The following TMEM87A variants were observed in gnomAD, a reference collection of about 807,000 sequenced individuals.
TMEM87A encodes the protein transmembrane protein 87A.
Under a neutral mutation model 90.0 loss-of-function variants are expected in TMEM87A, and 50 were observed. The observed-to-expected ratio is 0.56, with a 90% confidence interval of 0.44 to 0.70. The LOEUF (loss-of-function observed/expected upper bound fraction) is 0.70, where lower values mean the gene tolerates loss of function less well. TMEM87A is among the 30% of genes least tolerant of loss of function. TMEM87A has a pLI of 0.00. For missense variants in TMEM87A, 577 were observed against 660.5 expected (o/e 0.87, Z 1.39); for synonymous variants, 226 against 226.7 (o/e 1.00, Z 0.03).
chr15:42,263,747 T>TG (rs904211701), intron 4 of TMEM87A, among the ~76,000 whole-genome samples: 7 of 152,034 alleles, frequency 4.6e-5, no homozygotes, highest in African/African-American at 1.7e-4. Flanking sequence ...GAATCTGCCT[T>TG]GGGGAAAAAA....
intron 3 of TMEM87A, among the ~76,000 whole-genome samples, chr15:42,264,683 GTA>G (rs1555409716): frequency 8.6e-6 from 1 of 116,368 alleles, no homozygotes; most frequent in African/African-American, 3.0e-5. Flanking sequence ...ATATGTGTGT[GTA>G]TATATATATA....
intron 6 of TMEM87A, among the ~76,000 whole-genome samples, chr15:42,256,180 A>T (rs2051180658): frequency 6.6e-6 from 1 of 151,368 alleles, no homozygotes; most frequent in Admixed American, 6.6e-5. Flanking sequence ...TCATTTTGTC[A>T]CCCAGGCTGG....
At chr15:42,240,855 C>T (rs1307836757) in intron 7 of TMEM87A, among the ~76,000 whole-genome samples, 1 of 152,140 alleles carries the variant, frequency 6.6e-6, no homozygotes, top group Non-Finnish European at 1.5e-5. Context: ...CAGAGCAGAA[C>T]TATTATTAAA....
In TMEM87A at chr15:42,237,429, T is replaced by C; in HGVS notation, c.868+3A>G. On this transcript the variant is annotated splice_donor_region_variant and intron_variant, in intron 9 of 19. Transcript: ENST00000389834. ...AACTGGCAAAGATTTTCTGGTTACT[T>C]ACCAGATTCTCCTTTGTATCGGATA... 1 of 1,613,220 alleles carries C rather than the reference T, an allele frequency of 6.2e-7. No homozygotes were observed. The highest frequency in any genetic ancestry group is 8.5e-7 in the Non-Finnish European group (1 of 1,179,490).
At chr15:42,237,911 T>C (rs4923934) in intron 8 of TMEM87A, among the ~76,000 whole-genome samples, 142,702 of 152,172 alleles carry the variant, frequency 0.94, 67,373 homozygotes, top group Non-Finnish European at 1. Flanking sequence ...GAGCTTAACA[T>C]TAACTAATAT....
chr15:42,215,750 G>A (rs937356600), intron 19 of TMEM87A, among the ~76,000 whole-genome samples: 1 of 152,158 alleles, frequency 6.6e-6, no homozygotes. Flanking sequence ...ACAAATGTGG[G>A]CAAAGAAAGA....
At chr15:42,251,114 ACT>A (rs2051076871) in intron 6 of TMEM87A, among the ~76,000 whole-genome samples, 1 of 151,922 alleles carries the variant, frequency 6.6e-6, no homozygotes, top group African/African-American at 2.4e-5. Flanking sequence ...TCTTCTCTAC[ACT>A]GTTTATTCTA....
rs575504055 is a variant in TMEM87A at position 42,238,898 on chromosome 15, A to G, written c.684+772T>C. Among the ~76,000 whole-genome samples the G allele has an allele frequency of 2.6e-5, 4 of 152,182 alleles. No individual in the cohort carries two copies. In the East Asian group the frequency reaches 7.7e-4, roughly 29 times the overall value. On this transcript the variant is annotated intron_variant, in intron 8 of 19. Coordinates refer to ENST00000389834, the MANE Select transcript of TMEM87A (RefSeq NM_015497.5). ...CACAACAAAACGGGAAAACTATTAA[A>G]GGGAAAGGAAGAAGAGAATAATCAT...
Position 42,241,274 on chromosome 15 carries a change from G to A in TMEM87A, c.623-1543C>T, listed in dbSNP as rs535788992. On this transcript the variant is annotated intron_variant, in intron 7 of 19. Coordinates refer to ENST00000389834, the MANE Select transcript of TMEM87A (RefSeq NM_015497.5). ...GTAACCACCTTGCAGGGGAGAGGGA[G>A]TTGACAAGCTACATAGAGAACTATC... Among the ~76,000 whole-genome samples, 3 of 152,306 alleles carry A rather than the reference G, an allele frequency of 2.0e-5. No individual in the cohort carries two copies. In the South Asian group the frequency reaches 6.2e-4, roughly 32 times the overall value.
intron 19 of TMEM87A, among the ~76,000 whole-genome samples, chr15:42,212,809 A>T (rs1481807761): frequency 6.6e-6 from 1 of 152,196 alleles, no homozygotes; most frequent in Non-Finnish European, 1.5e-5. Context: ...GAAGAGCCTT[A>T]TGCCATTTTG....
At chr15:42,225,595 C>A (rs2050577122) in intron 15 of TMEM87A, among the ~76,000 whole-genome samples, 1 of 152,128 alleles carries the variant, frequency 6.6e-6, no homozygotes, top group Admixed American at 6.5e-5. Context: ...TGCAGTGGCG[C>A]CATCTCGCCT....
intron 19 of TMEM87A, among the ~76,000 whole-genome samples, chr15:42,216,765 T>C (rs977821010): frequency 3.9e-5 from 6 of 152,152 alleles, no homozygotes; most frequent in Admixed American, 6.5e-5. Flanking sequence ...TCAAAGATCA[T>C]GTCAGTGGGA....
At chr15:42,266,626 G>T (rs1451133384) in intron 3 of TMEM87A, among the ~76,000 whole-genome samples, 1 of 152,132 alleles carries the variant, frequency 6.6e-6, no homozygotes, top group Non-Finnish European at 1.5e-5. Flanking sequence ...AACTAAGGCA[G>T]TGGCATTTAA....
chr15:42,255,422 G>A (rs568881065), intron 6 of TMEM87A, among the ~76,000 whole-genome samples: 4 of 151,636 alleles, frequency 2.6e-5, no homozygotes, highest in African/African-American at 9.7e-5. Context: ...GTGAGCCACC[G>A]CACCCGGCCA....
At chr15:42,226,556 C>T (rs2050597911) in intron 15 of TMEM87A, 2 of 414,142 alleles carry the variant, frequency 4.8e-6, no homozygotes, top group Non-Finnish European at 8.7e-6. Context: ...CTGAAAGGAA[C>T]TTCATGTTGC....
intron 7 of TMEM87A, among the ~76,000 whole-genome samples, chr15:42,241,548 T>G (rs563719260): frequency 9.9e-5 from 15 of 152,242 alleles, no homozygotes; most frequent in African/African-American, 3.6e-4. Context: ...TGTAAAGAGT[T>G]TTATAAACCT....
At chr15:42,269,545 C>T (rs2051470978) in intron 2 of TMEM87A, among the ~76,000 whole-genome samples, 1 of 152,142 alleles carries the variant, frequency 6.6e-6, no homozygotes, top group African/African-American at 2.4e-5. Flanking sequence ...CCAGTAAGAA[C>T]ACATCCCCCA....
chr15:42,270,543 C>T (rs1380450702), intron 2 of TMEM87A, among the ~76,000 whole-genome samples: 1 of 152,098 alleles, frequency 6.6e-6, no homozygotes, highest in African/African-American at 2.4e-5. Flanking sequence ...TTGCAGTAAG[C>T]CAAGATCGTA....
In TMEM87A at chr15:42,239,697, G is replaced by A; in HGVS notation, c.657C>T (p.Leu219=). The A allele has an allele frequency of 6.2e-7, 1 of 1,613,930 alleles. No homozygotes were observed. Residue 219 remains leucine, a synonymous_variant, in exon 8 of 20, where the codon CTC becomes CTT. Transcript: ENST00000389834. The stretch of plus-strand genomic sequence containing the variant: ...TCATCAAGGGATAGTCTTCAAGTGT[G>A]AGGTATTCATAGGGACCCTTCACTT... The part of the protein sequence containing the change: ...TVEVKGPYEY[L]TLEDYPLMIF...
Sources: allele counts gnomAD v4.1 joint callset (sites outside exome capture counted in the v4.1 genomes callset), GRCh38; gene constraint gnomAD v4.1.1; transcripts MANE v1.5; gene names NCBI Gene and HGNC (gene_info 2026-07-23, HGNC 2026-07-21).